The following SMYD3 variants were observed in gnomAD, a reference collection of about 807,000 sequenced individuals.
SMYD3 encodes SET and MYND domain containing 3, also known as histone-lysine N-methyltransferase SMYD3.
SMYD3 carries 36 observed loss-of-function variants against 57.7 expected under a neutral mutation model. The observed-to-expected ratio is 0.62, with a 90% CI of 0.48 to 0.82. SMYD3 has a LOEUF of 0.82. Ranked by LOEUF, SMYD3 falls within the 40% of genes least tolerant of loss-of-function variation. SMYD3 has a pLI of 0.00. For synonymous variants in SMYD3, 211 were observed against 195.0 expected, an observed-to-expected ratio of 1.08 and a Z score of -0.68; for missense variants, 515 against 538.8, an observed-to-expected ratio of 0.96 and a Z score of 0.44.
At chr1:246,348,429 T>C (rs1451790406) in intron 2 of SMYD3, among the ~76,000 whole-genome samples, 1 of 151,706 alleles carries the variant, frequency 6.6e-6, no homozygotes, top group Non-Finnish European at 1.5e-5. Context: ...AAAAAAAATA[T>C]ATATATATAT....
In SMYD3 at chr1:246,467,561, G is replaced by A. The variant is rs147757233; in HGVS notation, c.164+39493C>T. Among the ~76,000 whole-genome samples, 616 of 152,064 alleles carry A rather than the reference G, an allele frequency of 4.1e-3. 2 individuals carry two copies. The highest frequency in any genetic ancestry group is 0.014 in the African/African-American group (582 of 41,482). On this transcript the variant is annotated intron_variant, in intron 1 of 11. Transcript: ENST00000490107. ...GATCGTAATATTATGAACAACTATA[G>A]GTCAACCAACTCAATAACATAAAAA... is the stretch of plus-strand genomic sequence containing the variant.
intron 10 of SMYD3, among the ~76,000 whole-genome samples, chr1:245,787,819 C>G (rs751790522): frequency 6.6e-6 from 1 of 152,158 alleles, no homozygotes; most frequent in Non-Finnish European, 1.5e-5. Context: ...TGGGCACAAG[C>G]GACTCCCAGA....
intron 8 of SMYD3, among the ~76,000 whole-genome samples, chr1:245,912,005 A>G (rs147024571): frequency 5.9e-5 from 9 of 152,240 alleles, no homozygotes; most frequent in African/African-American, 2.2e-4. Flanking sequence ...ATGTACAACT[A>G]TCATATATCA....
At chr1:246,326,718 C>G (rs893014440) in intron 5 of SMYD3, 1 of 279,594 alleles carries the variant, frequency 3.6e-6, no homozygotes. Context: ...GAGCCGAGAT[C>G]GCACCACTAC....
chr1:246,475,100 T>C (rs1324836506), intron 1 of SMYD3, among the ~76,000 whole-genome samples: 1 of 152,106 alleles, frequency 6.6e-6, no homozygotes, highest in African/African-American at 2.4e-5. Flanking sequence ...GTGGATCACC[T>C]GTGGCCAGGA....
intron 5 of SMYD3, among the ~76,000 whole-genome samples, chr1:246,011,176 T>C (rs2059275158): frequency 6.6e-6 from 1 of 152,220 alleles, no homozygotes; most frequent in Non-Finnish European, 1.5e-5. Context: ...GTGATCTGAA[T>C]TCCCCATTTC....
chr1:246,255,933 GATA>G (rs1558353886), intron 5 of SMYD3, among the ~76,000 whole-genome samples: 4,471 of 117,982 alleles, frequency 0.038, 122 homozygotes, highest in Non-Finnish European at 0.048. Flanking sequence ...TAATAAGATA[GATA>G]GATAGATAGA....
At chr1:245,808,365 T>C (rs2048294686) in intron 10 of SMYD3, among the ~76,000 whole-genome samples, 2 of 152,210 alleles carry the variant, frequency 1.3e-5, no homozygotes, top group Admixed American at 1.3e-4. Context: ...GCTGCCATGA[T>C]GCCCCAAAAC....
At chr1:246,028,798 A>G (rs914659709) in intron 5 of SMYD3, among the ~76,000 whole-genome samples, 1 of 152,214 alleles carries the variant, frequency 6.6e-6, no homozygotes, top group Non-Finnish European at 1.5e-5. Context: ...AAAATAACAA[A>G]ACAGGAAGTA....
At chr1:246,028,457 T>C (rs927181612) in intron 5 of SMYD3, among the ~76,000 whole-genome samples, 2 of 152,008 alleles carry the variant, frequency 1.3e-5, no homozygotes, top group Non-Finnish European at 1.5e-5. Context: ...AAAAAGAAAT[T>C]AGAAAAGCAA....
rs1558190703 is a variant in SMYD3, at chr1:246,059,339, A to AC, written c.532-129403_532-129402insG. ...GGGATAATAAAACACATTTACCTAG[A>AC]GAAAAAAAAAAATCAAATTAAGATG... On this transcript the variant is annotated intron_variant, in intron 5 of 11. Coordinates refer to ENST00000490107, the MANE Select transcript of SMYD3 (RefSeq NM_001167740.2). Among the ~76,000 whole-genome samples the AC allele has an allele frequency of 1.5e-4, 22 of 150,626 alleles. 1 individual carries two copies. Among genetic ancestry groups the AC allele is most frequent in the South Asian group, 1.1e-3 (5 of 4,728 alleles).
At chr1:245,937,938 T>C (rs1011060099) in intron 5 of SMYD3, among the ~76,000 whole-genome samples, 5 of 152,186 alleles carry the variant, frequency 3.3e-5, no homozygotes, top group African/African-American at 9.7e-5. Flanking sequence ...TTGAATTAGA[T>C]ATGGCAGCGT....
chr1:246,465,378 G>A (rs752462716), intron 1 of SMYD3, among the ~76,000 whole-genome samples: 10 of 152,190 alleles, frequency 6.6e-5, no homozygotes, highest in Non-Finnish European at 1.3e-4. Context: ...GACTAACTAT[G>A]AGCTGCCATC....
chr1:246,057,895 C>T (rs1327125303), intron 5 of SMYD3, among the ~76,000 whole-genome samples: 1 of 152,198 alleles, frequency 6.6e-6, no homozygotes, highest in Non-Finnish European at 1.5e-5. Flanking sequence ...GTTGCACATC[C>T]AGACAATGGA....
At chr1:246,489,881 G>GGAGTGA (rs1210922637) in intron 1 of SMYD3, among the ~76,000 whole-genome samples, 1 of 152,024 alleles carries the variant, frequency 6.6e-6, no homozygotes, top group Non-Finnish European at 1.5e-5. Flanking sequence ...GTCACCCAGT[G>GGAGTGA]GAGTGACAAA....
At chr1:246,086,204 CT>C (rs2060718462) in intron 5 of SMYD3, among the ~76,000 whole-genome samples, 1 of 151,964 alleles carries the variant, frequency 6.6e-6, no homozygotes, top group South Asian at 2.1e-4. Context: ...TAAAGGCCCC[CT>C]AGGCTTAATA....
intron 5 of SMYD3, among the ~76,000 whole-genome samples, chr1:245,994,729 T>C (rs946207467): frequency 7.2e-5 from 11 of 152,082 alleles, no homozygotes; most frequent in Admixed American, 3.3e-4. Flanking sequence ...CCTCTCATTA[T>C]CCATCTATGT....
At chr1:245,967,793 T>C (rs1325914018) in intron 5 of SMYD3, among the ~76,000 whole-genome samples, 1 of 152,182 alleles carries the variant, frequency 6.6e-6, no homozygotes, top group Admixed American at 6.5e-5. Context: ...GATAATTCCA[T>C]TTGCGACTAA....
At chr1:245,974,061 C>T (rs2058365190) in intron 5 of SMYD3, among the ~76,000 whole-genome samples, 1 of 152,102 alleles carries the variant, frequency 6.6e-6, no homozygotes, top group African/African-American at 2.4e-5. Context: ...GCCCTTCCTC[C>T]AGACCCTGAC....
Sources: gnomAD v4.1 joint callset for allele counts (sites outside exome capture counted in the v4.1 genomes callset) on GRCh38, gnomAD v4.1.1 for gene constraint, MANE v1.5 for transcripts, NCBI Gene and HGNC (gene_info 2026-07-23, HGNC 2026-07-21) for gene names.